Variants in EFCAB8 observed in about 807,000 individuals in gnomAD.
EFCAB8 encodes EF-hand calcium-binding domain-containing protein 8.
In EFCAB8, 100 loss-of-function variants were observed where a neutral mutation model predicts 116.3. The ratio of observed to expected loss-of-function variants is 0.86; its 90% CI spans 0.73 to 1.02. EFCAB8 has a LOEUF of 1.02. Among genes scored for constraint, EFCAB8 ranks in the 50% least tolerant of loss-of-function variants. The pLI is 0.00. For synonymous variants in EFCAB8, 558 were observed against 567.9 expected, an observed-to-expected ratio of 0.98 and a Z score of 0.25; for missense variants, 1,320 against 1,416.9, an observed-to-expected ratio of 0.93 and a Z score of 1.10.
Position 32,931,348 on chromosome 20 carries a change from ACTGGAGAGTTG to A in EFCAB8, c.2790+15_2790+25del, listed in dbSNP as rs1334687858. 6.5e-7 allele frequency: 1 copy of A among 1,526,862 alleles called. No individual in the cohort carries two copies. Among genetic ancestry groups the A allele is most frequent in the East Asian group, 2.5e-5 (1 of 40,712 alleles). 94.6% of individuals were successfully genotyped at this position (1,526,862 alleles called of 1,614,324 possible). A position where few individuals can be genotyped will look rare whatever the true frequency, so the allele number is the denominator to read the frequency against. ...TGGAGGATAAAGAGGTAGGAGGATTACTGGAGAGTTGCTCAGGAAAGTGCCTTTGAGCCCCA... is the reference window on the plus strand; with the variant it reads ...TGGAGGATAAAGAGGTAGGAGGATTACTCAGGAAAGTGCCTTTGAGCCCCA... On this transcript the variant is annotated intron_variant, in intron 22 of 26. Coordinates refer to ENST00000400522, the MANE Select transcript of EFCAB8 (RefSeq NM_001143967.2).
At chr20:32,869,197 G>T (rs1287344451) in intron 3 of EFCAB8, among the ~76,000 whole-genome samples, 1 of 152,094 alleles carries the variant, frequency 6.6e-6, no homozygotes, top group Non-Finnish European at 1.5e-5. Flanking sequence ...CAAGGCTCAA[G>T]CCAACAACAG....
intron 18 of EFCAB8, 80 bp from the exon 19 acceptor site, chr20:32,918,282 G>A: frequency 7.1e-7 from 1 of 1,402,064 alleles, no homozygotes; most frequent in South Asian, 1.3e-5. Flanking sequence ...GCCCTGTGGT[G>A]TTGGCATTGA....
chr20:32,866,929 T>TC (rs1448367765), intron 2 of EFCAB8, among the ~76,000 whole-genome samples: 1 of 151,494 alleles, frequency 6.6e-6, no homozygotes, highest in Non-Finnish European at 1.5e-5. Flanking sequence ...TTCTTTCGTT[T>TC]CTTTTTTTTT....
At chr20:32,893,147 A>G (rs1408707883) in intron 8 of EFCAB8, 27 bp from the exon 9 acceptor site, 4 of 1,551,144 alleles carry the variant, frequency 2.6e-6, no homozygotes, top group South Asian at 1.2e-5. Flanking sequence ...AGCCCACACA[A>G]CCTCTTCCGT....
rs1384273349 is a variant in EFCAB8, at chr20:32,939,104, CCTTTCTTTCTCTCTTTCTTTCT to C, written c.2791-4521_2791-4500del. ...TCTTTCTTTTTTCTTTTCCTTCCTTCCTTTCTTTCTCTCTTTCTTTCTCTTTCTTTCTTTCTTTCTTTCTTTC... is the reference window on the plus strand; with the variant it reads ...TCTTTCTTTTTTCTTTTCCTTCCTTCCTTTCTTTCTTTCTTTCTTTCTTTC... On this transcript the variant is annotated intron_variant, in intron 22 of 26. Transcript: ENST00000400522. 6.2e-5 allele frequency among the ~76,000 whole-genome samples: 8 copies of C among 129,108 alleles called. No homozygotes were observed. The East Asian group carries it at 7.2e-4, about 12-fold the overall frequency. 84.7% of individuals were successfully genotyped at this position (129,108 alleles called of 152,430 possible).
At chr20:32,859,407 T>G (rs1359995172) in intron 1 of EFCAB8, among the ~76,000 whole-genome samples, 1 of 152,076 alleles carries the variant, frequency 6.6e-6, no homozygotes, top group Non-Finnish European at 1.5e-5. Flanking sequence ...CCCTTCAGAG[T>G]TGGAGGAATG....
chr20:32,883,431 G>A (rs1985443176), intron 5 of EFCAB8, among the ~76,000 whole-genome samples: 1 of 152,172 alleles, frequency 6.6e-6, no homozygotes, highest in South Asian at 2.1e-4. Context: ...CAGCTCTCTA[G>A]CTTCTACTCT....
intron 20 of EFCAB8, among the ~76,000 whole-genome samples, chr20:32,929,854 C>T (rs1049615459): frequency 6.6e-6 from 1 of 152,124 alleles, no homozygotes; most frequent in African/African-American, 2.4e-5. Flanking sequence ...CCACTGTGGC[C>T]CCCACATGGG....
intron 3 of EFCAB8, among the ~76,000 whole-genome samples, chr20:32,871,145 C>CTT: frequency 1.3e-5 from 2 of 151,122 alleles, no homozygotes; most frequent in African/African-American, 4.9e-5. Flanking sequence ...AGCCACCGTG[C>CTT]CCGGCCCTCT....
intron 5 of EFCAB8, 59 bp from the exon 6 acceptor site, chr20:32,885,446 G>T (rs1027704281): frequency 5.9e-5 from 91 of 1,543,292 alleles, no homozygotes; most frequent in Non-Finnish European, 7.6e-5. Flanking sequence ...TCTGCCGCAG[G>T]TGCCCCCTCC....
intron 3 of EFCAB8, among the ~76,000 whole-genome samples, chr20:32,871,088 G>T (rs956578461): frequency 2.6e-5 from 4 of 151,908 alleles, no homozygotes; most frequent in Admixed American, 2.6e-4. Context: ...CCTGACCTCA[G>T]GTGATCCACC....
At chr20:32,949,532 G>T (rs974925911) in intron 23 of EFCAB8, among the ~76,000 whole-genome samples, 2 of 152,220 alleles carry the variant, frequency 1.3e-5, no homozygotes, top group Admixed American at 1.3e-4. Flanking sequence ...AGACAGTGTG[G>T]TAATGGCATA....
In EFCAB8 at chr20:32,889,298, C is replaced by T. The variant is rs1263122542; in HGVS notation, c.568-3C>T. On this transcript the variant is annotated splice_region_variant and splice_polypyrimidine_tract_variant and intron_variant, in intron 6 of 26. Transcript: ENST00000400522. ...CCATCTCCTCTGCTCTTCCTCTGGC[C>T]AGCTTAACCAGACCCAGCAGCTCTA... 6.4e-7 allele frequency: 1 copy of T among 1,551,546 alleles called. No individual in the cohort carries two copies. The highest frequency in any genetic ancestry group is 1.2e-5 in the South Asian group (1 of 84,042).
intron 20 of EFCAB8, among the ~76,000 whole-genome samples, chr20:32,925,605 A>G (rs111431717): frequency 1.4e-4 from 22 of 152,354 alleles, no homozygotes; most frequent in Middle Eastern, 3.4e-3. Flanking sequence ...CTCCTGCCTC[A>G]GCCTCCCAAA....
At chr20:32,949,392 A>C (rs1241438232) in intron 23 of EFCAB8, among the ~76,000 whole-genome samples, 2 of 152,220 alleles carry the variant, frequency 1.3e-5, no homozygotes, top group Non-Finnish European at 2.9e-5. Context: ...TCCCAGAAGA[A>C]TTTTTGTAGA....
intron 25 of EFCAB8, 31 bp downstream of exon 25, chr20:32,960,013 T>A: frequency 1.9e-6 from 3 of 1,550,590 alleles, no homozygotes; most frequent in Non-Finnish European, 2.6e-6. Flanking sequence ...CAGGGAGGAG[T>A]GCAGGGACCC....
At chr20:32,910,069 C>T in intron 15 of EFCAB8, 138 bp downstream of exon 15, 1 of 418,762 alleles carries the variant, frequency 2.4e-6, no homozygotes, top group Non-Finnish European at 4.1e-6. Context: ...GATGGTGGTG[C>T]TGGGGCAGCG....
At chr20:32,930,707 C>A in intron 21 of EFCAB8, 91 bp downstream of exon 21, 1 of 1,234,958 alleles carries the variant, frequency 8.1e-7, no homozygotes, top group Non-Finnish European at 1.1e-6. Context: ...CTAGTTCCTA[C>A]TCTGTCTGGG....
chr20:32,913,263 C>G (rs891880635), intron 17 of EFCAB8, among the ~76,000 whole-genome samples: 1 of 152,046 alleles, frequency 6.6e-6, no homozygotes, highest in Non-Finnish European at 1.5e-5. Flanking sequence ...AGATTTGGTG[C>G]CTGGTGAGGG....
Sources: allele counts gnomAD v4.1 joint callset (sites outside exome capture counted in the v4.1 genomes callset), GRCh38; gene constraint gnomAD v4.1.1; transcripts MANE v1.5; gene names NCBI Gene and HGNC (gene_info 2026-07-23, HGNC 2026-07-21).